Variants in FOCAD observed in about 807,000 individuals in gnomAD.
FOCAD encodes focadhesin.
In FOCAD, 198 loss-of-function variants were observed where a neutral mutation model predicts 225.6. The observed-to-expected ratio is 0.88, with a 90% CI of 0.78 to 0.99. The LOEUF (loss-of-function observed/expected upper bound fraction) is 0.99. Ranked by LOEUF, FOCAD falls within the 50% of genes least tolerant of loss-of-function variation. The pLI, the probability that FOCAD is intolerant of heterozygous loss-of-function variation, is 0.00. For synonymous variants in FOCAD, 897 were observed against 755.0 expected, an observed-to-expected ratio of 1.19 and a Z score of -3.08; for missense variants, 2,713 against 2,123.6, an observed-to-expected ratio of 1.28 and a Z score of -5.46.
At chr9:20,920,926 C>G (rs1834363378) in intron 24 of FOCAD, among the ~76,000 whole-genome samples, 1 of 150,760 alleles carries the variant, frequency 6.6e-6, no homozygotes, top group Admixed American at 6.6e-5. Context: ...AACTAACCTG[C>G]ACATTGTGCA....
chr9:20,672,183 A>G (rs1822083694), intron 2 of FOCAD, among the ~76,000 whole-genome samples: 1 of 152,206 alleles, frequency 6.6e-6, no homozygotes, highest in South Asian at 2.1e-4. Flanking sequence ...TCCTGCTGGC[A>G]TATTGCAGTT....
chr9:20,803,696 A>G (rs1822087911), intron 11 of FOCAD, among the ~76,000 whole-genome samples: 2 of 152,064 alleles, frequency 1.3e-5, no homozygotes, highest in South Asian at 4.2e-4. Flanking sequence ...CACCTGCATC[A>G]AGAGTCTAAA....
chr9:20,689,685 G>C (rs554592249), intron 1 of FOCAD, among the ~76,000 whole-genome samples: 12 of 152,278 alleles, frequency 7.9e-5, no homozygotes, highest in Admixed American at 6.5e-4. Flanking sequence ...AGATTATTTA[G>C]AGGAGAAGAC....
intron 10 of FOCAD, among the ~76,000 whole-genome samples, chr9:20,789,098 A>G (rs1460268164): frequency 6.6e-6 from 1 of 152,008 alleles, no homozygotes; most frequent in African/African-American, 2.4e-5. Flanking sequence ...TTCTGCCTTA[A>G]TGGGGAATGA....
At chr9:20,886,153 C>G (rs1831087352) in intron 21 of FOCAD, among the ~76,000 whole-genome samples, 1 of 152,162 alleles carries the variant, frequency 6.6e-6, no homozygotes, top group South Asian at 2.1e-4. Context: ...TTGTCCTTTG[C>G]CATCCATTTT....
Position 20,789,443 on chromosome 9 carries a change from T to C in FOCAD, c.1290T>C (p.Ala430=). ...RILEVMTDSS[A]ASDWLASVES... is the part of the protein sequence containing the mutation. ...TTGAAGTAATGACAGACTCGTCTGC[T>C]GCAAGTGACTGGTTGGCTTCAGTAG... The change falls in exon 11 of 44, where the codon GCT becomes GCC. Residue 430 remains alanine (A), a synonymous_variant. Coordinates refer to ENST00000338382, the MANE Select transcript of FOCAD (RefSeq NM_001375567.1). 1 of 1,614,100 alleles carries C rather than the reference T, an allele frequency of 6.2e-7. No individual in the cohort carries two copies. The highest frequency in any genetic ancestry group is 8.5e-7 in the Non-Finnish European group (1 of 1,179,982).
At chr9:20,885,298 T>C (rs942926458) in intron 21 of FOCAD, 68 bp downstream of exon 21, 2 of 1,307,892 alleles carry the variant, frequency 1.5e-6, no homozygotes, top group African/African-American at 3.0e-5. Flanking sequence ...TAAGAAGTTG[T>C]TTGTTTAGAA....
chr9:20,692,009 C>G (rs1172037578), intron 1 of FOCAD, among the ~76,000 whole-genome samples: 3 of 152,132 alleles, frequency 2.0e-5, no homozygotes, highest in Non-Finnish European at 4.4e-5. Context: ...CTTGGCCTCC[C>G]AAAGTGCTGG....
chr9:20,795,560 C>T lies in FOCAD; in HGVS notation c.1455+5952C>T, dbSNP rs191091115. ...CAGCACTTTGGGAGGCCGAGGTGGG[C>T]GGATCACGAGGTCAGGAGATTGAGA... On this transcript the variant is annotated intron_variant, in intron 11 of 43. Coordinates refer to ENST00000338382, the MANE Select transcript of FOCAD (RefSeq NM_001375567.1). Among the ~76,000 whole-genome samples the T allele has an allele frequency of 2.4e-3, 367 of 151,816 alleles. 2 individuals carry two copies. The highest frequency in any genetic ancestry group is 6.8e-3 in the Middle Eastern group (2 of 292).
At chr9:20,968,530 C>A (rs552723778) in intron 35 of FOCAD, among the ~76,000 whole-genome samples, 3 of 148,170 alleles carry the variant, frequency 2.0e-5, no homozygotes, top group Non-Finnish European at 4.5e-5. Context: ...CAACCTCCAC[C>A]TCCTGGGTTC....
At chr9:20,935,501 A>G (rs1466488949) in intron 28 of FOCAD, among the ~76,000 whole-genome samples, 1 of 152,172 alleles carries the variant, frequency 6.6e-6, no homozygotes, top group African/African-American at 2.4e-5. Flanking sequence ...CCCGAGTTCA[A>G]GTGATTCTCC....
intron 11 of FOCAD, among the ~76,000 whole-genome samples, chr9:20,801,122 CT>C (rs1354128291): frequency 1.3e-5 from 2 of 152,098 alleles, no homozygotes; most frequent in Non-Finnish European, 2.9e-5. Context: ...ACTCCAGACC[CT>C]GTTTGCCTGG....
At chr9:20,939,161 A>AAAAAAAAAAAAAAAAAAAAAAAAG (rs1564179288) in intron 28 of FOCAD, among the ~76,000 whole-genome samples, 1 of 150,374 alleles carries the variant, frequency 6.7e-6, no homozygotes, top group African/African-American at 2.4e-5. Context: ...AAAAAAAAAA[A>AAAAAAAAAAAAAAAAAAAAAAAAG]AAAAAAGAGT....
chr9:20,731,964 A>G (rs996584071), intron 4 of FOCAD, among the ~76,000 whole-genome samples: 37 of 152,038 alleles, frequency 2.4e-4, no homozygotes, highest in African/African-American at 8.5e-4. Context: ...TTATTTTTTT[A>G]AAGTTCTGGG....
At chr9:20,673,116 G>A (rs971001233) in intron 2 of FOCAD, among the ~76,000 whole-genome samples, 2 of 152,094 alleles carry the variant, frequency 1.3e-5, no homozygotes, top group African/African-American at 4.8e-5. Flanking sequence ...TGTATTTTGG[G>A]GAAGATTTTG....
chr9:20,914,117 A>G (rs1219227195), intron 23 of FOCAD, among the ~76,000 whole-genome samples: 2 of 150,868 alleles, frequency 1.3e-5, no homozygotes. Context: ...AAAAAAAAAG[A>G]TACAGTTAAA....
intron 3 of FOCAD, among the ~76,000 whole-genome samples, 199 bp downstream of exon 3, chr9:20,718,067 C>A (rs1444056373): frequency 2.0e-5 from 3 of 152,178 alleles, no homozygotes; most frequent in Admixed American, 1.3e-4. Context: ...TTTATTAAAA[C>A]CCTCTAGGAA....
At chr9:20,918,290 A>G (rs985916884) in intron 24 of FOCAD, among the ~76,000 whole-genome samples, 2 of 152,172 alleles carry the variant, frequency 1.3e-5, no homozygotes, top group Non-Finnish European at 2.9e-5. Context: ...AGATATTGCA[A>G]TTTTCCATTC....
chr9:20,774,141 C>T (rs1399030187), intron 8 of FOCAD, among the ~76,000 whole-genome samples: 1 of 152,190 alleles, frequency 6.6e-6, no homozygotes, highest in Non-Finnish European at 1.5e-5. Flanking sequence ...CGAAACCATT[C>T]CCTGCCCCAG....
Sources: allele counts gnomAD v4.1 joint callset (sites outside exome capture counted in the v4.1 genomes callset), GRCh38; gene constraint gnomAD v4.1.1; transcripts MANE v1.5; gene names NCBI Gene and HGNC (gene_info 2026-07-23, HGNC 2026-07-21).